Variants in TBC1D4 observed in about 807,000 individuals in gnomAD.
TBC1D4 encodes the protein TBC1 domain family member 4.
Under a neutral mutation model 142.5 loss-of-function variants are expected in TBC1D4, and 121 were observed. That is an observed-to-expected ratio of 0.85 (90% CI 0.73 to 0.99). TBC1D4 has a LOEUF of 0.99. Ranked by LOEUF, TBC1D4 falls within the 50% of genes least tolerant of loss-of-function variation. The pLI is 0.00. For missense variants in TBC1D4, 1,475 were observed against 1,606.6 expected, an observed-to-expected ratio of 0.92 and a Z score of 1.40; for synonymous variants, 630 against 628.2, an observed-to-expected ratio of 1.00 and a Z score of -0.04.
chr13:75,477,586 A>C (rs887892637), intron 1 of TBC1D4, among the ~76,000 whole-genome samples: 1 of 150,288 alleles, frequency 6.7e-6, no homozygotes, highest in Non-Finnish European at 1.5e-5. Context: ...ACAAAGTCTC[A>C]TATTTTCAAT....
chr13:75,420,716 T>A (rs1445166297), intron 1 of TBC1D4, among the ~76,000 whole-genome samples: 3 of 152,200 alleles, frequency 2.0e-5, no homozygotes, highest in African/African-American at 7.2e-5. Flanking sequence ...CCTTGTAAAT[T>A]CTACGCAACA....
intron 1 of TBC1D4, among the ~76,000 whole-genome samples, chr13:75,467,169 T>A (rs1888203590): frequency 6.6e-6 from 1 of 152,182 alleles, no homozygotes; most frequent in African/African-American, 2.4e-5. Flanking sequence ...TTACAGCTTG[T>A]CCCTTTACAG....
intron 11 of TBC1D4, among the ~76,000 whole-genome samples, chr13:75,320,779 T>C (rs1878686495): frequency 1.3e-5 from 2 of 151,156 alleles, no homozygotes; most frequent in African/African-American, 4.9e-5. Flanking sequence ...ATCCCAGCAC[T>C]TTGGGAGGCT....
intron 15 of TBC1D4, among the ~76,000 whole-genome samples, chr13:75,305,039 C>T (rs988000873): frequency 1.3e-5 from 2 of 152,200 alleles, no homozygotes; most frequent in African/African-American, 2.4e-5. Flanking sequence ...CCCGGTGGGA[C>T]ATAATTGAAT....
At chr13:75,306,518 TA>T in intron 14 of TBC1D4, 47 bp from the exon 15 acceptor site, 1 of 1,605,146 alleles carries the variant, frequency 6.2e-7, no homozygotes. Context: ...TTTTCAAATG[TA>T]AAACTTTAGA....
chr13:75,475,823 C>T (rs1489135009), intron 1 of TBC1D4, among the ~76,000 whole-genome samples: 1 of 152,162 alleles, frequency 6.6e-6, no homozygotes, highest in Admixed American at 6.5e-5. Context: ...GGTTGCGTAT[C>T]ACTTATCCAA....
At chr13:75,471,399 A>G (rs565315264) in intron 1 of TBC1D4, among the ~76,000 whole-genome samples, 1 of 152,386 alleles carries the variant, frequency 6.6e-6, no homozygotes, top group East Asian at 1.9e-4. Context: ...ATCTATAAAT[A>G]GAATACACCA....
At chr13:75,412,643 G>A (rs910771582) in intron 1 of TBC1D4, among the ~76,000 whole-genome samples, 20 of 151,850 alleles carry the variant, frequency 1.3e-4, no homozygotes, top group African/African-American at 4.6e-4. Context: ...TAAAGTCAAA[G>A]GGCCAAATAA....
intron 1 of TBC1D4, among the ~76,000 whole-genome samples, chr13:75,423,622 G>T (rs1042449763): frequency 2.0e-4 from 30 of 152,090 alleles, no homozygotes; most frequent in Non-Finnish European, 3.8e-4. Context: ...CTGATTCTAG[G>T]TATTAAGGGC....
intron 1 of TBC1D4, among the ~76,000 whole-genome samples, chr13:75,432,893 G>A (rs947106855): frequency 1.3e-5 from 2 of 148,542 alleles, no homozygotes; most frequent in Non-Finnish European, 3.0e-5. Flanking sequence ...AGTAAGCCAA[G>A]ATCATGCCAC....
intron 1 of TBC1D4, among the ~76,000 whole-genome samples, chr13:75,469,547 G>A (rs969972880): frequency 4.6e-5 from 7 of 152,128 alleles, no homozygotes; most frequent in Non-Finnish European, 8.8e-5. Context: ...GAAGCAAGAG[G>A]ACTGCTTGAG....
At chr13:75,357,264 T>A (rs1374700179) in intron 3 of TBC1D4, among the ~76,000 whole-genome samples, 1 of 152,082 alleles carries the variant, frequency 6.6e-6, no homozygotes, top group Non-Finnish European at 1.5e-5. Flanking sequence ...AAAAAGGAAA[T>A]CAATTCCTGT....
intron 17 of TBC1D4, 36 bp downstream of exon 17, chr13:75,299,294 G>C (rs1413212774): frequency 6.2e-7 from 1 of 1,612,928 alleles, no homozygotes; most frequent in Admixed American, 1.7e-5. Flanking sequence ...TCTGGTAATA[G>C]TCTCACACCT....
intron 1 of TBC1D4, among the ~76,000 whole-genome samples, chr13:75,443,600 T>C (rs1032059532): frequency 6.6e-6 from 1 of 152,226 alleles, no homozygotes; most frequent in Non-Finnish European, 1.5e-5. Context: ...CCACCTTCCC[T>C]GTCTCTACAT....
chr13:75,304,605 T>C (rs1876962955), intron 15 of TBC1D4, among the ~76,000 whole-genome samples: 1 of 152,140 alleles, frequency 6.6e-6, no homozygotes, highest in Admixed American at 6.5e-5. Flanking sequence ...GCAGGGGTGG[T>C]GCTCTGAGGA....
intron 1 of TBC1D4, among the ~76,000 whole-genome samples, chr13:75,469,594 A>G (rs7317768): frequency 0.92 from 140,534 of 152,128 alleles, 65,906 homozygotes; most frequent in Non-Finnish European, 1. Context: ...AACATAGCCA[A>G]ACCCTATCTC....
intron 1 of TBC1D4, among the ~76,000 whole-genome samples, chr13:75,467,500 A>G (rs1274807816): frequency 6.6e-6 from 1 of 152,206 alleles, no homozygotes; most frequent in East Asian, 1.9e-4. Flanking sequence ...AGACTCTCCT[A>G]CACCATGTAA....
chr13:75,393,155 ACT>A lies in TBC1D4; in HGVS notation c.499-30550_499-30549del, dbSNP rs1491363179. Among the ~76,000 whole-genome samples, 95 of 125,742 alleles carry A rather than the reference ACT, an allele frequency of 7.6e-4. 1 individual carries two copies. The highest frequency in any genetic ancestry group is 4.0e-3 in the African/African-American group (89 of 22,180). The allele number at this position is 125,742 out of a possible 152,430, so 82.5% of individuals were successfully genotyped here. ...CACACACACACACACACACACACACACTCAGTCTTTGTTTGCTCTTACTACTG... is the reference window on the plus strand; with the variant it reads ...CACACACACACACACACACACACACACAGTCTTTGTTTGCTCTTACTACTG... On this transcript the variant is annotated intron_variant, in intron 1 of 20. Transcript: ENST00000377636.
At chr13:75,456,535 T>C (rs1887742845) in intron 1 of TBC1D4, among the ~76,000 whole-genome samples, 1 of 152,098 alleles carries the variant, frequency 6.6e-6, no homozygotes, top group African/African-American at 2.4e-5. Flanking sequence ...GGCCAATGCA[T>C]ATGAAAAGGT....
Sources: allele counts gnomAD v4.1 joint callset (sites outside exome capture counted in the v4.1 genomes callset), GRCh38; gene constraint gnomAD v4.1.1; transcripts MANE v1.5; gene names NCBI Gene and HGNC (gene_info 2026-07-23, HGNC 2026-07-21).